The following C10orf143 variants were observed in gnomAD, a reference collection of about 807,000 sequenced individuals.
The protein encoded by C10orf143 is chromosome 10 open reading frame 143, also known as uncharacterized protein C10orf143.
chr10:130,089,013 C>T (rs1861337544), intron 1 of C10orf143, among the ~76,000 whole-genome samples: 1 of 152,146 alleles, frequency 6.6e-6, no homozygotes, highest in South Asian at 2.1e-4. Flanking sequence ...GCCTACTATG[C>T]TCGAGCTTTC....
At chr10:130,107,179 G>A (rs1203309545) in intron 1 of C10orf143, 1 of 1,507,282 alleles carries the variant, frequency 6.6e-7, no homozygotes, top group African/African-American at 1.4e-5. Flanking sequence ...AGCTTCAACA[G>A]AAACTTAAAG....
chr10:130,053,300 T>C (rs1187029230), intron 3 of C10orf143, among the ~76,000 whole-genome samples: 1 of 152,196 alleles, frequency 6.6e-6, no homozygotes, highest in Non-Finnish European at 1.5e-5. Flanking sequence ...ATATATCACA[T>C]GACCTCGTGA....
intron 3 of C10orf143, among the ~76,000 whole-genome samples, chr10:130,047,169 C>T (rs919447845): frequency 6.6e-6 from 1 of 152,190 alleles, no homozygotes; most frequent in African/African-American, 2.4e-5. Context: ...GTGAGCCTGG[C>T]GGATGCACTG....
intron 1 of C10orf143, among the ~76,000 whole-genome samples, chr10:130,092,756 G>A (rs541998583): frequency 1.2e-3 from 177 of 152,016 alleles, no homozygotes; most frequent in African/African-American, 3.9e-3. Flanking sequence ...AAAAAAGCAG[G>A]GTTACAATCC....
At chr10:130,043,639 CA>C (rs2134724729) in intron 3 of C10orf143, among the ~76,000 whole-genome samples, 1 of 152,340 alleles carries the variant, frequency 6.6e-6, no homozygotes, top group African/African-American at 2.4e-5. Context: ...TAAGCACCCC[CA>C]GGTGCCCTGC....
downstream of C10orf143, among the ~76,000 whole-genome samples, chr10:130,060,785 T>C (rs1050716123): frequency 1.4e-4 from 18 of 126,356 alleles, no homozygotes; most frequent in Non-Finnish European, 2.0e-4. Context: ...ATCACGCCAC[T>C]GCACTCCAGG....
rs561549465 is a variant in C10orf143 at position 130,110,602 on chromosome 10, T to G, written c.69+102A>C. On this transcript the variant is annotated intron_variant, in intron 1 of 3. Transcript: ENST00000637128. Reference sequence around the variant, plus strand: ...GCGTGCGAGTGTCTTGGGCCAGGCCTCCTCACAGGCAGGGCCGCGCCGGCA... The same window carrying G: ...GCGTGCGAGTGTCTTGGGCCAGGCCGCCTCACAGGCAGGGCCGCGCCGGCA... The G allele has an allele frequency of 7.5e-6, 3 of 398,038 alleles. No individual in the cohort carries two copies. In the South Asian group the frequency reaches 3.9e-4, roughly 52 times the overall value. The allele number at this position is 398,038 out of a possible 1,614,324, so 24.7% of individuals were successfully genotyped here.
chr10:130,081,175 G>T (rs1310785353), intron 1 of C10orf143, among the ~76,000 whole-genome samples: 1 of 152,000 alleles, frequency 6.6e-6, no homozygotes, highest in African/African-American at 2.4e-5. Flanking sequence ...AAAACAAAAA[G>T]AGAGCAGGAG....
chr10:130,050,639 C>T (rs547793604), intron 3 of C10orf143, among the ~76,000 whole-genome samples: 1 of 152,246 alleles, frequency 6.6e-6, no homozygotes, highest in South Asian at 2.1e-4. Context: ...GAAACTTGAA[C>T]ATCTATACAT....
intron 1 of C10orf143, among the ~76,000 whole-genome samples, chr10:130,089,976 A>G (rs1861353986): frequency 6.6e-6 from 1 of 152,238 alleles, no homozygotes; most frequent in Non-Finnish European, 1.5e-5. Flanking sequence ...GGGAAAAAAA[A>G]TCCTTATGAT....
At chr10:130,086,766 G>A (rs1861297800) in intron 1 of C10orf143, among the ~76,000 whole-genome samples, 1 of 152,134 alleles carries the variant, frequency 6.6e-6, no homozygotes, top group Non-Finnish European at 1.5e-5. Flanking sequence ...AATAACACAG[G>A]ACTTACTCAA....
At chr10:130,075,824 G>C (rs1181212287) in intron 3 of C10orf143, among the ~76,000 whole-genome samples, 2 of 152,102 alleles carry the variant, frequency 1.3e-5, no homozygotes, top group African/African-American at 4.8e-5. Context: ...AGGCATGCTT[G>C]CTTCCCCTTC....
chr10:130,039,560 A>G (rs1860583731), intron 3 of C10orf143, among the ~76,000 whole-genome samples: 1 of 152,144 alleles, frequency 6.6e-6, no homozygotes, highest in Non-Finnish European at 1.5e-5. Context: ...TGTTTCATGC[A>G]GTCTCCTGAT....
chr10:130,080,098 T>A (rs79735355), intron 1 of C10orf143, among the ~76,000 whole-genome samples, 197 bp from the exon 2 acceptor site: 6,772 of 152,318 alleles, frequency 0.044, 524 homozygotes, highest in African/African-American at 0.15. Flanking sequence ...TCATTATTTC[T>A]TGCATTGCCT....
At chr10:130,105,913 C>A in intron 1 of C10orf143, 1 of 368,574 alleles carries the variant, frequency 2.7e-6, no homozygotes, top group South Asian at 2.1e-5. Flanking sequence ...CCAGCTCCCC[C>A]CCGCAGCCGG....
At chr10:130,101,829 G>A in intron 1 of C10orf143, among the ~76,000 whole-genome samples, 1 of 115,920 alleles carries the variant, frequency 8.6e-6, no homozygotes, top group Admixed American at 1.1e-4. Flanking sequence ...CCAGCCTGGT[G>A]ACAGAGGGAG....
At chr10:130,091,675 G>T (rs1861384915) in intron 1 of C10orf143, among the ~76,000 whole-genome samples, 2 of 152,152 alleles carry the variant, frequency 1.3e-5, no homozygotes, top group South Asian at 4.1e-4. Context: ...CTTGAAAAAA[G>T]TTAGATGAAT....
chr10:130,110,673 C>G (rs1029445262), intron 1 of C10orf143, 31 bp downstream of exon 1: 1 of 398,580 alleles, frequency 2.5e-6, no homozygotes, highest in Non-Finnish European at 4.4e-6. Context: ...TCCGCCCTCC[C>G]GTCCCTAACG....
rs77683910 is a variant in C10orf143, at chr10:130,079,172, T to C, written c.297+394A>G. On this transcript the variant is annotated intron_variant, in intron 3 of 3. Transcript: ENST00000637128. ...TCTGTGATTTATGTGAAGTTTATGA[T>C]AGAAACATGCAAGAAAAGCATAAAC... Among the ~76,000 whole-genome samples the C allele has an allele frequency of 4.4e-3, 675 of 152,300 alleles. 4 individuals carry two copies. Among genetic ancestry groups the C allele is most frequent in the African/African-American group, 0.016 (646 of 41,552 alleles).
Sources: gnomAD v4.1 joint callset for allele counts (sites outside exome capture counted in the v4.1 genomes callset) on GRCh38, gnomAD v4.1.1 for gene constraint, MANE v1.5 for transcripts, NCBI Gene and HGNC (gene_info 2026-07-23, HGNC 2026-07-21) for gene names.